Variants in HEXA observed in about 807,000 individuals in gnomAD.
HEXA encodes the protein beta-hexosaminidase subunit alpha.
HEXA carries 54 observed loss-of-function variants against 73.3 expected under a neutral mutation model. The ratio of observed to expected loss-of-function variants is 0.74; its 90% CI spans 0.59 to 0.92. HEXA has a LOEUF of 0.92. Ranked by LOEUF, HEXA falls within the 40% of genes least tolerant of loss-of-function variation. The pLI, the probability that HEXA is intolerant of heterozygous loss-of-function variation, is 0.00. For missense variants in HEXA, 649 were observed against 653.0 expected (o/e 0.99, Z 0.07); for synonymous variants, 230 against 246.9 (o/e 0.93, Z 0.64).
rs541465744 is a variant in HEXA at position 72,342,126 on chromosome 15, A to G, written c.*1951T>C. The G allele has an allele frequency of 6.6e-6, 1 of 152,372 alleles. No individual in the cohort carries two copies. The highest frequency in any genetic ancestry group is 2.1e-4 in the South Asian group (1 of 4,824). The allele number at this position is 152,372 out of a possible 1,614,324, so 9.4% of individuals were successfully genotyped here. A position where few individuals can be genotyped will look rare whatever the true frequency, so the allele number is the denominator to read the frequency against. ...CACCCCTCCTACAAGCTTCTGGGTA[A>G]TAGAGGTAAGGGGGCTCCTGTGGTG... On this transcript the variant is annotated 3_prime_UTR_variant, in exon 14 of 14. Coordinates refer to ENST00000268097, the MANE Select transcript of HEXA (RefSeq NM_000520.6).
rs1361722304 is a variant in HEXA, at chr15:72,353,747, T to C, written c.413-10A>G. 2 of 1,604,202 alleles carry C rather than the reference T, an allele frequency of 1.2e-6. No individual in the cohort carries two copies. The highest frequency in any genetic ancestry group is 1.3e-5 in the African/African-American group (1 of 74,796). On this transcript the variant is annotated splice_polypyrimidine_tract_variant and intron_variant, in intron 3 of 13. Transcript: ENST00000268097. ...CTAAAAGTCTCCAGACCTAGGAAGA[T>C]GTAGAGAGGCAGAGTAAAGACTCAG...
At chr15:72,356,899 CCAAA>C (rs1235585891) in intron 1 of HEXA, 6 of 509,472 alleles carry the variant, frequency 1.2e-5, no homozygotes, top group Non-Finnish European at 2.2e-5. Context: ...TTGGCCTGTA[CCAAA>C]CAAACAACTC....
At position 72,349,138 on chromosome 15, in the gene HEXA, G is replaced by T; in HGVS notation, c.927C>A (p.Ser309Arg). The T allele has an allele frequency of 6.2e-7, 1 of 1,613,912 alleles. No individual in the cohort carries two copies. The highest frequency in any genetic ancestry group is 8.5e-7 in the Non-Finnish European group (1 of 1,179,792). ...EFMSTFFLEV[S>R]SVFPDFYLHL... ...GAAGATAAAAATCTGGGAAGACAGA[G>T]CTGACTTCTAAGAAGAATGTGCTCA... Residue 309 changes from serine (S) to arginine (R), a missense_variant, in exon 8 of 14, where the codon AGC becomes AGA. Ser to Arg is a moderately radical substitution (Grantham distance 110, BLOSUM62 -1). Transcript: ENST00000268097.
At chr15:72,372,346 C>A (rs1114154) in intron 1 of HEXA, among the ~76,000 whole-genome samples, 1 of 47,002 alleles carries the variant, frequency 2.1e-5, no homozygotes. Context: ...AAGACTCCAT[C>A]TCAAAAAAAA....
At position 72,342,718 on chromosome 15, in the gene HEXA, G is replaced by T. The variant is rs2140317623; in HGVS notation, c.*1359C>A. On this transcript the variant is annotated 3_prime_UTR_variant, in exon 14 of 14. Coordinates refer to ENST00000268097, the MANE Select transcript of HEXA (RefSeq NM_000520.6). The stretch of plus-strand genomic sequence containing the variant: ...GCGAAGATGCTTTGGGCTGAAAATG[G>T]TTGGGAGGAGGGGGATGGAAGTCGC... 6.6e-6 allele frequency: 1 copy of T among 152,448 alleles called. No homozygotes were observed. The highest frequency in any genetic ancestry group is 2.1e-4 in the South Asian group (1 of 4,828). 9.4% of individuals were successfully genotyped at this position (152,448 alleles called of 1,614,324 possible). A position where few individuals can be genotyped will look rare whatever the true frequency, so the allele number is the denominator to read the frequency against.
intron 1 of HEXA, among the ~76,000 whole-genome samples, chr15:72,371,437 T>C (rs774785656): frequency 6.6e-6 from 1 of 151,876 alleles, no homozygotes; most frequent in Non-Finnish European, 1.5e-5. Flanking sequence ...TGGTACTCCA[T>C]CTCTACAAAA....
At chr15:72,363,998 C>T (rs757129581) in intron 1 of HEXA, among the ~76,000 whole-genome samples, 13 of 152,024 alleles carry the variant, frequency 8.6e-5, no homozygotes, top group Non-Finnish European at 1.6e-4. Flanking sequence ...ATACCTGCAA[C>T]CCCAGCACTT....
At chr15:72,355,965 G>A in intron 2 of HEXA, 2 of 477,604 alleles carry the variant, frequency 4.2e-6, no homozygotes, top group Non-Finnish European at 8.3e-6. Flanking sequence ...CTGGCAAAGG[G>A]AACAGGGATG....
chr15:72,372,700 T>C (rs903739650), intron 1 of HEXA, among the ~76,000 whole-genome samples: 2 of 152,236 alleles, frequency 1.3e-5, no homozygotes, highest in Non-Finnish European at 2.9e-5. Context: ...ACAGACCATT[T>C]AGCAACTGGT....
intron 7 of HEXA, 83 bp from the exon 8 acceptor site, chr15:72,349,342 AC>A: frequency 9.4e-7 from 1 of 1,058,542 alleles, no homozygotes; most frequent in South Asian, 1.3e-5. Context: ...CACGAGTCAC[AC>A]AAAGCAAGAC....
chr15:72,369,629 C>G (rs1012203935), intron 1 of HEXA, among the ~76,000 whole-genome samples: 2 of 152,206 alleles, frequency 1.3e-5, no homozygotes, highest in African/African-American at 2.4e-5. Context: ...CCTCCACCTC[C>G]TGAGCTCAAG....
rs534111163 is a variant in HEXA, at chr15:72,348,994, T to C, written c.986+85A>G. On this transcript the variant is annotated intron_variant, in intron 8 of 13. Transcript: ENST00000268097. ...CATACAGACCCCTGAGAGCAGCAGC[T>C]GAGCTAAGCAGCCCCTCGGGTGCTA... is the stretch of plus-strand genomic sequence containing the variant. 82 of 1,097,020 alleles carry C rather than the reference T, an allele frequency of 7.5e-5. No homozygotes were observed. In the South Asian group the frequency reaches 9.6e-4, roughly 13 times the overall value. 68.0% of individuals were successfully genotyped at this position (1,097,020 alleles called of 1,614,324 possible).
In HEXA at chr15:72,345,454, T is replaced by C. The variant is rs4777502; in HGVS notation, c.1518A>G (p.Glu506=). 0.98 allele frequency: 1,579,584 copies of C among 1,614,144 alleles called. 778,550 individuals carry two copies. The highest frequency in any genetic ancestry group is 1 in the East Asian group (44,887 of 44,888). The change falls in exon 13 of 14, where the codon GAA becomes GAG. Residue 506 remains glutamate (E), a synonymous_variant. Transcript: ENST00000268097. ...AYERLSHFRC[E]LLRRGVQAQP... The stretch of plus-strand genomic sequence containing the variant: ...CCCCACAGCTTGCTTACCTCAGCAA[T>C]TCACAGCGGAAGTGTGACAAACGTT...
intron 1 of HEXA, among the ~76,000 whole-genome samples, chr15:72,371,610 A>G (rs1034934241): frequency 5.9e-5 from 9 of 151,924 alleles, no homozygotes; most frequent in African/African-American, 1.5e-4. Context: ...AAAAAAAAAA[A>G]AAAGAAAACA....
chr15:72,346,821 G>T, intron 10 of HEXA, 111 bp from the exon 11 acceptor site: 1 of 999,978 alleles, frequency 1.0e-6, no homozygotes, highest in Non-Finnish European at 1.6e-6. Flanking sequence ...CTGTTCCCCA[G>T]CAGCAAAGTA....
rs1016276499 is a variant in HEXA at position 72,375,987 on chromosome 15, C to T, written c.-15G>A. The T allele has an allele frequency of 6.2e-7, 1 of 1,612,208 alleles. No individual in the cohort carries two copies. Among genetic ancestry groups the T allele is most frequent in the Non-Finnish European group, 8.5e-7 (1 of 1,180,004 alleles). ...GAGCTTGTCATGGCCCGCTGGTCTCCCCTCTCGGAGGGGGCTGGCCACGTG... is the reference window on the plus strand; with the variant it reads ...GAGCTTGTCATGGCCCGCTGGTCTCTCCTCTCGGAGGGGGCTGGCCACGTG... On this transcript the variant is annotated 5_prime_UTR_variant, in exon 1 of 14. Coordinates refer to ENST00000268097, the MANE Select transcript of HEXA (RefSeq NM_000520.6).
At chr15:72,375,693 G>T (rs778544735) in intron 1 of HEXA, 27 bp downstream of exon 1, 1 of 1,613,456 alleles carries the variant, frequency 6.2e-7, no homozygotes, top group South Asian at 1.1e-5. Flanking sequence ...CAGGGCCCAG[G>T]AACAGGGCGG....
Position 72,344,006 on chromosome 15 carries a change from G to T in HEXA, c.*71C>A. On this transcript the variant is annotated 3_prime_UTR_variant, in exon 14 of 14. Coordinates refer to ENST00000268097, the MANE Select transcript of HEXA (RefSeq NM_000520.6). ...CGAAGGCAAGGGGCTCCGTCCCCTG[G>T]CCAGGATGCAGTGGAAGCCTGGCTC... is the stretch of plus-strand genomic sequence containing the variant. The T allele has an allele frequency of 7.5e-7, 1 of 1,338,816 alleles. No individual in the cohort carries two copies. Among genetic ancestry groups the T allele is most frequent in the African/African-American group, 1.4e-5 (1 of 69,544 alleles). The allele number at this position is 1,338,816 out of a possible 1,614,324, so 82.9% of individuals were successfully genotyped here.
chr15:72,356,421 G>C (rs2088780180), intron 2 of HEXA, 104 bp downstream of exon 2: 1 of 1,257,830 alleles, frequency 8.0e-7, no homozygotes, highest in Non-Finnish European at 1.1e-6. Context: ...CCAGGGTCAA[G>C]GGGGACTCCA....
Sources: allele counts gnomAD v4.1 joint callset (sites outside exome capture counted in the v4.1 genomes callset), GRCh38; gene constraint gnomAD v4.1.1; transcripts MANE v1.5; gene names NCBI Gene and HGNC (gene_info 2026-07-23, HGNC 2026-07-21).